The following MSL2 variants were observed in gnomAD, a reference collection of about 807,000 sequenced individuals.
MSL2 encodes the protein E3 ubiquitin-protein ligase MSL2.
Under a neutral mutation model 35.8 loss-of-function variants are expected in MSL2, and 2 were observed. That is an observed-to-expected ratio of 0.06 (90% CI 0.02 to 0.18). The LOEUF (loss-of-function observed/expected upper bound fraction) is 0.18, where lower values mean the gene tolerates loss of function less well. MSL2 is among the 10% of genes least tolerant of loss of function. MSL2 has a pLI of 1.00. For synonymous variants in MSL2, 296 were observed against 255.7 expected (o/e 1.16, Z -1.50); for missense variants, 523 against 706.7 (o/e 0.74, Z 2.95).
rs2108103999 is a variant in MSL2, at chr3:136,195,860, GGCGGGC to G, written c.-753_-748del. 1.0e-6 allele frequency: 1 copy of G among 981,128 alleles called. No homozygotes were observed. 60.8% of individuals were successfully genotyped at this position (981,128 alleles called of 1,614,324 possible). ...GGGAGGAAGTGCGCGGGCCGCCGCCGGCGGGCGGGAGGGGGCGGGGGGCAAGCCCGG... is the reference window on the plus strand; with the variant it reads ...GGGAGGAAGTGCGCGGGCCGCCGCCGGGGAGGGGGCGGGGGGCAAGCCCGG... On this transcript the variant is annotated 5_prime_UTR_variant, in exon 1 of 2. Coordinates refer to ENST00000309993, the MANE Select transcript of MSL2 (RefSeq NM_018133.4).
At position 136,151,057 on chromosome 3, in the gene MSL2, G is replaced by T; in HGVS notation, c.*90C>A. On this transcript the variant is annotated 3_prime_UTR_variant, in exon 2 of 2. Coordinates refer to ENST00000309993, the MANE Select transcript of MSL2 (RefSeq NM_018133.4). The surrounding 1 kb of genome is among the most constrained non-coding windows in gnomAD (Gnocchi z 5.2). ...CTTGATACAAGTGATCTATATGCAG[G>T]AGCTCCGGCAAGTTAAACCAACAGA... 1 of 1,377,504 alleles carries T rather than the reference G, an allele frequency of 7.3e-7. No individual in the cohort carries two copies. The allele number at this position is 1,377,504 out of a possible 1,614,324, so 85.3% of individuals were successfully genotyped here.
Position 136,195,325 on chromosome 3 carries a change from T to C in MSL2, c.-212A>G. The C allele has an allele frequency of 7.4e-7, 1 of 1,354,184 alleles. No individual in the cohort carries two copies. Among genetic ancestry groups the C allele is most frequent in the Non-Finnish European group, 9.5e-7 (1 of 1,057,190 alleles). The allele number at this position is 1,354,184 out of a possible 1,614,324, so 83.9% of individuals were successfully genotyped here. ...CTTGGCGCCCCTCCGTCCCTGAGACTTCCAGACCAAAAATATGAGAGAGAA... is the reference window on the plus strand; with the variant it reads ...CTTGGCGCCCCTCCGTCCCTGAGACCTCCAGACCAAAAATATGAGAGAGAA... On this transcript the variant is annotated 5_prime_UTR_variant, in exon 1 of 2. Coordinates refer to ENST00000309993, the MANE Select transcript of MSL2 (RefSeq NM_018133.4).
At chr3:136,161,983 G>A (rs1222343853) in intron 1 of MSL2, among the ~76,000 whole-genome samples, 1 of 151,812 alleles carries the variant, frequency 6.6e-6, no homozygotes, top group African/African-American at 2.4e-5. Context: ...TGTCGCCCAG[G>A]CTAGAGCACA....
At chr3:136,178,927 C>T (rs1940260182) in intron 1 of MSL2, among the ~76,000 whole-genome samples, 1 of 151,418 alleles carries the variant, frequency 6.6e-6, no homozygotes, top group Non-Finnish European at 1.5e-5. Flanking sequence ...CTTACATGGC[C>T]TACTCCAGCT....
intron 1 of MSL2, chr3:136,155,779 G>C (rs1318640778): frequency 5.3e-6 from 3 of 565,808 alleles, no homozygotes; most frequent in African/African-American, 3.8e-5. Flanking sequence ...TATGCAAAGA[G>C]AACTGTGGGT....
At chr3:136,194,795 T>C (rs145519015) in intron 1 of MSL2, among the ~76,000 whole-genome samples, 177 bp downstream of exon 1, 2 of 152,148 alleles carry the variant, frequency 1.3e-5, no homozygotes, top group Admixed American at 6.6e-5. Flanking sequence ...GTTCTCTGCC[T>C]TTCTGAAACG....
chr3:136,169,717 T>C, intron 1 of MSL2, among the ~76,000 whole-genome samples: 1 of 151,752 alleles, frequency 6.6e-6, no homozygotes, highest in East Asian at 2.0e-4. Context: ...CCTCCCAAAG[T>C]GCTGGGATTA....
At chr3:136,193,752 G>T (rs942597924) in intron 1 of MSL2, among the ~76,000 whole-genome samples, 1 of 152,128 alleles carries the variant, frequency 6.6e-6, no homozygotes, top group Non-Finnish European at 1.5e-5. Flanking sequence ...GCAGTTAGGT[G>T]ATTTGCCCTG....
Position 136,149,395 on chromosome 3 carries a change from TTAAA to T in MSL2, c.*1748_*1751del, listed in dbSNP as rs1430519561. 1 of 152,330 alleles carries T rather than the reference TTAAA, an allele frequency of 6.6e-6. No individual in the cohort carries two copies. The highest frequency in any genetic ancestry group is 2.4e-5 in the African/African-American group (1 of 41,384). The allele number at this position is 152,330 out of a possible 1,614,324, so 9.4% of individuals were successfully genotyped here. On this transcript the variant is annotated 3_prime_UTR_variant, in exon 2 of 2. Transcript: ENST00000309993. ...AAGACACTGCTAACACTTAAAGGAA[TTAAA>T]TAAAATTCCAAATCTTGGAAAGCAA...
chr3:136,176,817 A>ATACT (rs1225044848), intron 1 of MSL2, among the ~76,000 whole-genome samples: 1 of 152,166 alleles, frequency 6.6e-6, no homozygotes, highest in African/African-American at 2.4e-5. Context: ...TGCTGGCACC[A>ATACT]TACTCCCTGT....
intron 1 of MSL2, among the ~76,000 whole-genome samples, chr3:136,166,897 C>A (rs1939869383): frequency 6.6e-6 from 1 of 152,142 alleles, no homozygotes; most frequent in African/African-American, 2.4e-5. Context: ...GGCAGCTGTA[C>A]TACAAATTTT....
In MSL2 at chr3:136,164,018, T is replaced by TAC. The variant is rs1230168304; in HGVS notation, c.143-11282_143-11281dup. The stretch of plus-strand genomic sequence containing the variant: ...TTATAGCAGTATGAAAACAGACTAA[T>TAC]ACAATGCATAAATGCAATGAAATGA... On this transcript the variant is annotated intron_variant, in intron 1 of 1. Coordinates refer to ENST00000309993, the MANE Select transcript of MSL2 (RefSeq NM_018133.4). 3.9e-5 allele frequency among the ~76,000 whole-genome samples: 6 copies of TAC among 152,220 alleles called. No homozygotes were observed. In the South Asian group the frequency reaches 1.2e-3, roughly 32 times the overall value.
At chr3:136,175,965 C>T (rs1940161173) in intron 1 of MSL2, among the ~76,000 whole-genome samples, 1 of 151,842 alleles carries the variant, frequency 6.6e-6, no homozygotes, top group Non-Finnish European at 1.5e-5. Context: ...AATTATAGCA[C>T]CAAAATTAAA....
chr3:136,169,301 T>G, intron 1 of MSL2, among the ~76,000 whole-genome samples: 1 of 139,170 alleles, frequency 7.2e-6, no homozygotes, highest in African/African-American at 2.8e-5. Flanking sequence ...TGCATATGTA[T>G]GGGGGTACAC....
At chr3:136,187,441 T>C (rs1462597834) in intron 1 of MSL2, among the ~76,000 whole-genome samples, 1 of 152,012 alleles carries the variant, frequency 6.6e-6, no homozygotes, top group Non-Finnish European at 1.5e-5. Context: ...GGTGGGAGGA[T>C]GACCTGAGGT....
At chr3:136,153,067 C>T in intron 1 of MSL2, 1 of 985,320 alleles carries the variant, frequency 1.0e-6, no homozygotes, top group Non-Finnish European at 1.2e-6. Flanking sequence ...ACCAGAAGCA[C>T]AAACTAGGGT....
chr3:136,163,813 G>A (rs1193805192), intron 1 of MSL2, among the ~76,000 whole-genome samples: 3 of 152,084 alleles, frequency 2.0e-5, no homozygotes, highest in African/African-American at 4.8e-5. Flanking sequence ...GGTTTTATAA[G>A]GGGCTCTTCC....
At chr3:136,172,595 T>C (rs1391749096) in intron 1 of MSL2, among the ~76,000 whole-genome samples, 2 of 152,180 alleles carry the variant, frequency 1.3e-5, no homozygotes, top group Non-Finnish European at 2.9e-5. Context: ...CCCCTAACAC[T>C]GTCTCCGTCA....
chr3:136,152,578 G>C lies in MSL2; in HGVS notation c.303C>G (p.Asn101Lys), dbSNP rs890883797. ...EENKQLSILV[N>K]CYKKLCEYIT... is the part of the protein sequence containing the mutation. ...TATACTCGCATAGTTTTTTGTAGCA[G>C]TTCACTAGGATGCTTAACTGCTTGT... is the stretch of plus-strand genomic sequence containing the variant. The change falls in exon 2 of 2, where the codon AAC (asparagine) becomes AAG (lysine). Residue 101 changes from asparagine to lysine, a missense_variant. Transcript: ENST00000309993. 11 of 1,614,034 alleles carry C rather than the reference G, an allele frequency of 6.8e-6. No individual in the cohort carries two copies. The highest frequency in any genetic ancestry group is 9.3e-6 in the Non-Finnish European group (11 of 1,180,030).
Sources: gnomAD v4.1 joint callset for allele counts (sites outside exome capture counted in the v4.1 genomes callset) on GRCh38, gnomAD v4.1.1 for gene constraint, Gnocchi (gnomAD v3.1) non-coding constraint, MANE v1.5 for transcripts, NCBI Gene and HGNC (gene_info 2026-07-23, HGNC 2026-07-21) for gene names.